The following RABGAP1L variants were observed in gnomAD, a reference collection of about 807,000 sequenced individuals.
The protein encoded by RABGAP1L is RAB GTPase activating protein 1 like.
RABGAP1L carries 63 observed loss-of-function variants against 137.7 expected under a neutral mutation model. That is an observed-to-expected ratio of 0.46 (90% confidence interval 0.37 to 0.56). The LOEUF (loss-of-function observed/expected upper bound fraction) is 0.56. Among genes scored for constraint, RABGAP1L ranks in the 20% least tolerant of loss-of-function variants. RABGAP1L has a pLI of 0.00. For synonymous variants in RABGAP1L, 431 were observed against 433.7 expected (o/e 0.99, Z 0.08); for missense variants, 1,095 against 1,244.0 (o/e 0.88, Z 1.80).
chr1:174,414,965 T>C (rs1169028695), intron 13 of RABGAP1L, among the ~76,000 whole-genome samples: 2 of 152,080 alleles, frequency 1.3e-5, no homozygotes, highest in Non-Finnish European at 2.9e-5. Context: ...TTTAAGATTA[T>C]TGTTGGCCTT....
chr1:174,602,435 T>G (rs1289761098), intron 13 of RABGAP1L, among the ~76,000 whole-genome samples: 2 of 152,116 alleles, frequency 1.3e-5, no homozygotes, highest in Non-Finnish European at 2.9e-5. Flanking sequence ...TCTGCAAGAA[T>G]AGCAGAGGAA....
chr1:174,347,212 C>G (rs963140589), intron 11 of RABGAP1L, among the ~76,000 whole-genome samples: 1 of 152,144 alleles, frequency 6.6e-6, no homozygotes, highest in East Asian at 1.9e-4. Context: ...AAATGTTCTA[C>G]AAATGTCTGT....
At chr1:174,571,412 T>C (rs1460437160) in intron 13 of RABGAP1L, among the ~76,000 whole-genome samples, 1 of 152,036 alleles carries the variant, frequency 6.6e-6, no homozygotes, top group Non-Finnish European at 1.5e-5. Flanking sequence ...TTAAAATAAC[T>C]AAAATAGTAT....
chr1:174,755,152 C>T (rs1242740592), intron 18 of RABGAP1L, among the ~76,000 whole-genome samples: 1 of 152,130 alleles, frequency 6.6e-6, no homozygotes, highest in Non-Finnish European at 1.5e-5. Context: ...AGGATGAATT[C>T]TGTGTTGCTC....
intron 18 of RABGAP1L, among the ~76,000 whole-genome samples, chr1:174,779,920 G>C (rs1686822936): frequency 6.6e-6 from 1 of 151,844 alleles, no homozygotes; most frequent in Non-Finnish European, 1.5e-5. Flanking sequence ...ACAAAAATTA[G>C]CTTGGTGTGG....
chr1:174,699,713 A>C, intron 16 of RABGAP1L, 63 bp downstream of exon 16: 2 of 1,435,450 alleles, frequency 1.4e-6, no homozygotes, highest in Admixed American at 4.1e-5. Flanking sequence ...AAAGCCTAAT[A>C]GAGTTGGTAA....
chr1:174,697,381 G>GT, intron 15 of RABGAP1L, among the ~76,000 whole-genome samples: 2 of 151,998 alleles, frequency 1.3e-5, no homozygotes, highest in East Asian at 3.9e-4. Context: ...GAGTGCAGTG[G>GT]TGCGATCTCA....
At chr1:174,819,058 C>T (rs369256347) in intron 19 of RABGAP1L, among the ~76,000 whole-genome samples, 8 of 151,712 alleles carry the variant, frequency 5.3e-5, no homozygotes, top group Admixed American at 2.0e-4. Flanking sequence ...TGGCACATGC[C>T]GGGAGTCCTA....
chr1:174,481,169 T>A (rs755390951), intron 13 of RABGAP1L, among the ~76,000 whole-genome samples: 2 of 152,162 alleles, frequency 1.3e-5, no homozygotes, highest in Non-Finnish European at 2.9e-5. Context: ...GCCAGCCCAC[T>A]CCGAAACAGC....
intron 15 of RABGAP1L, among the ~76,000 whole-genome samples, chr1:174,686,955 G>A (rs934772920): frequency 6.6e-6 from 1 of 151,752 alleles, no homozygotes; most frequent in Non-Finnish European, 1.5e-5. Context: ...CACCACGCCT[G>A]GCCACAAAGT....
chr1:174,567,185 C>T (rs1200739513), intron 13 of RABGAP1L, among the ~76,000 whole-genome samples: 2 of 152,074 alleles, frequency 1.3e-5, no homozygotes, highest in African/African-American at 4.8e-5. Context: ...ACCCTTCTAC[C>T]TCTCCCCACA....
intron 13 of RABGAP1L, among the ~76,000 whole-genome samples, chr1:174,438,962 A>C (rs1653804603): frequency 6.6e-6 from 1 of 151,658 alleles, no homozygotes; most frequent in Admixed American, 6.6e-5. Flanking sequence ...GTGTTCCGAC[A>C]AAATTTATTC....
chr1:174,474,726 C>T (rs1055427692), intron 13 of RABGAP1L, among the ~76,000 whole-genome samples: 1 of 152,084 alleles, frequency 6.6e-6, no homozygotes, highest in African/African-American at 2.4e-5. Flanking sequence ...CCTCAGCCTC[C>T]CGAGTAGCTG....
intron 13 of RABGAP1L, among the ~76,000 whole-genome samples, chr1:174,440,658 C>A (rs943341657): frequency 1.3e-5 from 2 of 152,166 alleles, no homozygotes; most frequent in African/African-American, 4.8e-5. Flanking sequence ...TCACTGTAAG[C>A]AATTCTCATG....
chr1:174,330,578 C>CT (rs1680946339), intron 11 of RABGAP1L, among the ~76,000 whole-genome samples: 1 of 146,288 alleles, frequency 6.8e-6, no homozygotes, highest in South Asian at 2.2e-4. Context: ...GAGTGAGACT[C>CT]TGTCTTTAAA....
intron 19 of RABGAP1L, among the ~76,000 whole-genome samples, chr1:174,889,278 C>T (rs6686872): frequency 0.35 from 53,332 of 151,808 alleles, 11,787 homozygotes; most frequent in African/African-American, 0.63. Context: ...TGCCTGCCAC[C>T]ACACCAGGCT....
intron 17 of RABGAP1L, among the ~76,000 whole-genome samples, chr1:174,728,787 G>T (rs748542994): frequency 2.4e-4 from 36 of 151,942 alleles, no homozygotes; most frequent in Non-Finnish European, 4.3e-4. Flanking sequence ...GACTACAGGC[G>T]CAAGCCACCA....
chr1:174,597,226 C>T (rs190298137), intron 13 of RABGAP1L, among the ~76,000 whole-genome samples: 73 of 152,038 alleles, frequency 4.8e-4, no homozygotes, highest in African/African-American at 1.6e-3. Flanking sequence ...GTAATACTGC[C>T]CTCATAGAAT....
chr1:174,383,661 G>GC (rs1231546445), intron 12 of RABGAP1L, among the ~76,000 whole-genome samples: 1 of 152,112 alleles, frequency 6.6e-6, no homozygotes, highest in Non-Finnish European at 1.5e-5. Flanking sequence ...CGCACGGTGC[G>GC]CGCACCCACT....
Sources: gnomAD v4.1 joint callset for allele counts (sites outside exome capture counted in the v4.1 genomes callset) on GRCh38, gnomAD v4.1.1 for gene constraint, MANE v1.5 for transcripts, NCBI Gene and HGNC (gene_info 2026-07-23, HGNC 2026-07-21) for gene names.